VPS50: variants seen among roughly 807,000 people sequenced by gnomAD.
The protein encoded by VPS50 is VPS50 subunit of EARP/GARPII complex.
Under a neutral mutation model 139.7 loss-of-function variants are expected in VPS50, and 70 were observed. The observed-to-expected ratio is 0.50, with a 90% CI of 0.41 to 0.61. The LOEUF is 0.61. Ranked by LOEUF, VPS50 falls within the 20% of genes least tolerant of loss-of-function variation. VPS50 has a pLI of 0.00. For missense variants in VPS50, 921 were observed against 1,133.7 expected, an observed-to-expected ratio of 0.81 and a Z score of 2.69; for synonymous variants, 365 against 376.7, an observed-to-expected ratio of 0.97 and a Z score of 0.36.
chr7:93,342,249 C>G (rs141792980), intron 23 of VPS50, among the ~76,000 whole-genome samples: 2 of 152,198 alleles, frequency 1.3e-5, no homozygotes, highest in African/African-American at 4.8e-5. Context: ...CACTCCCACC[C>G]GAATACTGTG....
At chr7:93,356,483 C>T (rs752938429) in intron 27 of VPS50, among the ~76,000 whole-genome samples, 1 of 152,132 alleles carries the variant, frequency 6.6e-6, no homozygotes, top group Non-Finnish European at 1.5e-5. Context: ...TACAAACCTT[C>T]TCGTACTCCT....
At chr7:93,327,338 C>T (rs1320829002) in intron 21 of VPS50, among the ~76,000 whole-genome samples, 1 of 152,038 alleles carries the variant, frequency 6.6e-6, no homozygotes, top group Non-Finnish European at 1.5e-5. Context: ...TGGGACAGAA[C>T]AGTTCCAGAC....
chr7:93,242,980 T>C (rs987310800), intron 2 of VPS50, among the ~76,000 whole-genome samples: 1 of 151,968 alleles, frequency 6.6e-6, no homozygotes, highest in Non-Finnish European at 1.5e-5. Context: ...GTGTGCTTGA[T>C]AAGCCAGATG....
chr7:93,272,015 CTTAAG>C (rs988585181), intron 10 of VPS50, among the ~76,000 whole-genome samples: 3 of 151,664 alleles, frequency 2.0e-5, no homozygotes, highest in African/African-American at 2.4e-5. Flanking sequence ...CTTTGAGTGG[CTTAAG>C]TTAACAATTC....
chr7:93,278,200 T>C (rs528069869), intron 12 of VPS50, among the ~76,000 whole-genome samples: 13 of 152,204 alleles, frequency 8.5e-5, no homozygotes, highest in Non-Finnish European at 2.9e-5. Context: ...TGTGCATTTA[T>C]ATAACAAAAA....
At chr7:93,235,283 T>TA in intron 1 of VPS50, among the ~76,000 whole-genome samples, 1 of 152,234 alleles carries the variant, frequency 6.6e-6, no homozygotes, top group East Asian at 1.9e-4. Context: ...TGAGGTTAGA[T>TA]GACTGAAGGC....
chr7:93,342,007 C>T (rs1033526524), intron 23 of VPS50, among the ~76,000 whole-genome samples: 9 of 152,212 alleles, frequency 5.9e-5, no homozygotes, highest in Non-Finnish European at 1.3e-4. Flanking sequence ...CTCCAGTCTG[C>T]AGCTCCCAGC....
intron 16 of VPS50, among the ~76,000 whole-genome samples, chr7:93,300,519 T>TTATA (rs1481616270): frequency 2.0e-5 from 3 of 152,138 alleles, no homozygotes; most frequent in Admixed American, 1.3e-4. Context: ...GTAGGATTTA[T>TTATA]TATAGGAGAG....
chr7:93,339,787 T>C (rs1798163151), intron 22 of VPS50, among the ~76,000 whole-genome samples: 1 of 152,146 alleles, frequency 6.6e-6, no homozygotes, highest in Admixed American at 6.5e-5. Context: ...TTTTAAAACT[T>C]TGAGTGGGGG....
intron 12 of VPS50, among the ~76,000 whole-genome samples, chr7:93,291,282 A>G (rs1796640747): frequency 6.6e-6 from 1 of 152,118 alleles, no homozygotes; most frequent in African/African-American, 2.4e-5. Flanking sequence ...TAATTTACAC[A>G]AATGAAATGA....
intron 5 of VPS50, among the ~76,000 whole-genome samples, chr7:93,256,874 T>C (rs1795499880): frequency 6.6e-6 from 1 of 152,112 alleles, no homozygotes; most frequent in Non-Finnish European, 1.5e-5. Context: ...TATTGACCAC[T>C]CATTGGCAAT....
In VPS50 at chr7:93,359,436, T is replaced by C. The variant is rs1798791134; in HGVS notation, c.*1000T>C. 1 of 152,182 alleles carries C rather than the reference T, an allele frequency of 6.6e-6. No homozygotes were observed. Among genetic ancestry groups the C allele is most frequent in the Admixed American group, 6.6e-5 (1 of 15,260 alleles). 9.4% of individuals were successfully genotyped at this position (152,182 alleles called of 1,614,324 possible). A position where few individuals can be genotyped will look rare whatever the true frequency, so the allele number is the denominator to read the frequency against. Reference sequence around the variant, plus strand: ...CCAATGATGAACTCTGGAATCCACTTAGTCTTCAGTAAGTATGTGCTGTTC... The same window carrying C: ...CCAATGATGAACTCTGGAATCCACTCAGTCTTCAGTAAGTATGTGCTGTTC... On this transcript the variant is annotated 3_prime_UTR_variant, in exon 28 of 28. Coordinates refer to ENST00000305866, the MANE Select transcript of VPS50 (RefSeq NM_017667.4).
At chr7:93,293,309 A>C (rs1251575899) in intron 13 of VPS50, among the ~76,000 whole-genome samples, 1 of 152,198 alleles carries the variant, frequency 6.6e-6, no homozygotes, top group African/African-American at 2.4e-5. Flanking sequence ...AATAGAATTA[A>C]CACATATTTT....
intron 20 of VPS50, among the ~76,000 whole-genome samples, chr7:93,314,237 T>C (rs1797356186): frequency 6.6e-6 from 1 of 152,168 alleles, no homozygotes; most frequent in South Asian, 2.1e-4. Context: ...AGGAACTAAT[T>C]ATTGAGTATT....
chr7:93,288,243 A>G, intron 12 of VPS50, among the ~76,000 whole-genome samples: 1 of 152,122 alleles, frequency 6.6e-6, no homozygotes. Flanking sequence ...AAACCATATC[A>G]CTAAGGGAAA....
intron 9 of VPS50, among the ~76,000 whole-genome samples, chr7:93,266,602 C>G (rs1391758870): frequency 6.6e-6 from 1 of 152,148 alleles, no homozygotes; most frequent in East Asian, 1.9e-4. Flanking sequence ...AAACCCTTTG[C>G]AGAATTGTTT....
At chr7:93,349,073 G>C (rs904212468) in intron 24 of VPS50, among the ~76,000 whole-genome samples, 1 of 152,180 alleles carries the variant, frequency 6.6e-6, no homozygotes, top group Non-Finnish European at 1.5e-5. Flanking sequence ...AGGGGAAAGT[G>C]CCATGAGTGT....
At position 93,239,949 on chromosome 7, in the gene VPS50, G is replaced by A. The variant is rs1794930714; in HGVS notation, c.102+15G>A. 2 of 1,493,828 alleles carry A rather than the reference G, an allele frequency of 1.3e-6. No homozygotes were observed. Among genetic ancestry groups the A allele is most frequent in the East Asian group, 2.3e-5 (1 of 44,082 alleles). The allele number at this position is 1,493,828 out of a possible 1,614,324, so 92.5% of individuals were successfully genotyped here. On this transcript the variant is annotated intron_variant, in intron 2 of 27. Transcript: ENST00000305866. Reference sequence around the variant, plus strand: ...TCCCTGGAAAGGTATTGAGCTACACGTGTGAGCGTGACTTTTTACTTCCTT... The same window carrying A: ...TCCCTGGAAAGGTATTGAGCTACACATGTGAGCGTGACTTTTTACTTCCTT...
Position 93,291,757 on chromosome 7 carries a change from T to C in VPS50, c.997T>C (p.Trp333Arg), listed in dbSNP as rs1268027088. The change falls in exon 13 of 28, where the codon TGG becomes CGG. Residue 333 changes from tryptophan to arginine, a missense_variant. Trp to Arg is a moderately radical substitution (Grantham distance 101, BLOSUM62 -3). Transcript: ENST00000305866. ...CCTTGCAGACCTGTGCAAAGCACTATGGGAAGTTATGCTCAGCTATTATAG... is the reference window on the plus strand; with the variant it reads ...CCTTGCAGACCTGTGCAAAGCACTACGGGAAGTTATGCTCAGCTATTATAG... ...PCLADLCKAL[W>R]EVMLSYYRTM... 3 of 1,599,254 alleles carry C rather than the reference T, an allele frequency of 1.9e-6. No homozygotes were observed. The African/African-American group carries it at 4.0e-5, about 21-fold the overall frequency.
Sources: allele counts gnomAD v4.1 joint callset (sites outside exome capture counted in the v4.1 genomes callset), GRCh38; gene constraint gnomAD v4.1.1; transcripts MANE v1.5; gene names NCBI Gene and HGNC (gene_info 2026-07-23, HGNC 2026-07-21).